Variants in DNAH2 observed in about 807,000 individuals in gnomAD.
DNAH2 encodes the protein axonemal beta dynein heavy chain 2.
Under a neutral mutation model 523.5 loss-of-function variants are expected in DNAH2, and 323 were observed. That is an observed-to-expected ratio of 0.62 (90% CI 0.56 to 0.68). The LOEUF (loss-of-function observed/expected upper bound fraction) is 0.68. Among genes scored for constraint, DNAH2 ranks in the 30% least tolerant of loss-of-function variants. DNAH2 has a pLI of 0.00. For synonymous variants in DNAH2, 2,093 were observed against 2,177.4 expected, an observed-to-expected ratio of 0.96 and a Z score of 1.08; for missense variants, 4,907 against 5,701.5, an observed-to-expected ratio of 0.86 and a Z score of 4.49.
chr17:7,742,387 C>A lies in DNAH2; in HGVS notation c.1690-541C>A, dbSNP rs538525638. On this transcript the variant is annotated intron_variant, in intron 11 of 85. Transcript: ENST00000572933. Reference sequence around the variant, plus strand: ...CAGAAGTTGCAGTGAGCCGAGATCGCGCCACTGTACTCCAGCCTGGGTGGT... The same window carrying A: ...CAGAAGTTGCAGTGAGCCGAGATCGAGCCACTGTACTCCAGCCTGGGTGGT... 2.6e-5 allele frequency among the ~76,000 whole-genome samples: 4 copies of A among 152,106 alleles called. No individual in the cohort carries two copies. The East Asian group carries it at 7.7e-4, about 29-fold the overall frequency.
intron 4 of DNAH2, among the ~76,000 whole-genome samples, chr17:7,730,473 A>ACTGAAT (rs2074951618): frequency 6.6e-6 from 1 of 152,218 alleles, no homozygotes; most frequent in East Asian, 1.9e-4. Flanking sequence ...TGCAGAAGGA[A>ACTGAAT]CTGAATCTGG....
chr17:7,748,896 C>G (rs1204939122), intron 12 of DNAH2, among the ~76,000 whole-genome samples: 1 of 151,740 alleles, frequency 6.6e-6, no homozygotes, highest in East Asian at 1.9e-4. Context: ...CAGTTAAAGA[C>G]TGAACATCAT....
rs1228538499 is a variant in DNAH2 at position 7,807,153 on chromosome 17, A to T, written c.9446A>T (p.Glu3149Val). Residue 3149 changes from glutamate to valine, a missense_variant, in exon 62 of 86, where the codon GAA becomes GTA. Physicochemically the swap from Glu to Val is moderately radical, Grantham distance 121. This residue lies in a region of DNAH2 where 1,851 missense variants were observed against 2,139.4 expected (regional missense o/e 0.87). Transcript: ENST00000572933. This position sits in a 1 kb window ranked among gnomAD's most constrained non-coding sequence, Gnocchi z 5.6. ...TWAEAKRQLG[E>V]QNFIKSLINF... is the part of the protein sequence containing the mutation. Reference sequence around the variant, plus strand: ...GCCCCTAATTTTCATCCCACAGGGGAACAGAACTTCATCAAGTCACTGATC... The same window carrying T: ...GCCCCTAATTTTCATCCCACAGGGGTACAGAACTTCATCAAGTCACTGATC... 3 of 1,605,482 alleles carry T rather than the reference A, an allele frequency of 1.9e-6. No individual in the cohort carries two copies. Among genetic ancestry groups the T allele is most frequent in the Non-Finnish European group, 2.5e-6 (3 of 1,179,852 alleles).
In DNAH2 at chr17:7,760,688, A is replaced by T; in HGVS notation, c.2786-52A>T. 2 of 1,565,704 alleles carry T rather than the reference A, an allele frequency of 1.3e-6. No individual in the cohort carries two copies. The highest frequency in any genetic ancestry group is 1.7e-6 in the Non-Finnish European group (2 of 1,152,192). On this transcript the variant is annotated intron_variant, in intron 17 of 85. Transcript: ENST00000572933. The surrounding 1 kb of genome is among the most constrained non-coding windows in gnomAD (Gnocchi z 4.0). The stretch of plus-strand genomic sequence containing the variant: ...GAGCAGTGGGCAGGGCTCAGGCAGA[A>T]GTTGGGTTGGGGTGGAAGTCAGTGA...
rs778207661 is a variant in DNAH2 at position 7,831,046 on chromosome 17, G to A, written c.12231-40G>A. 4 of 1,590,882 alleles carry A rather than the reference G, an allele frequency of 2.5e-6. No homozygotes were observed. Among genetic ancestry groups the A allele is most frequent in the Admixed American group, 3.3e-5 (2 of 59,868 alleles). ...GTCTTGGCCTGGCATTGAGGGCTGA[G>A]TCCCCACAATGTGGCAGTAATTATG... On this transcript the variant is annotated intron_variant, in intron 79 of 85. Coordinates refer to ENST00000572933, the MANE Select transcript of DNAH2 (RefSeq NM_020877.5). The surrounding 1 kb of genome is among the most constrained non-coding windows in gnomAD (Gnocchi z 4.2).
chr17:7,736,775 A>G (rs1217298667), intron 7 of DNAH2, among the ~76,000 whole-genome samples: 1 of 152,156 alleles, frequency 6.6e-6, no homozygotes, highest in Non-Finnish European at 1.5e-5. Context: ...CAAAGTCAGG[A>G]GTTCGAGACC....
At chr17:7,729,198 G>A (rs920937971) in intron 4 of DNAH2, among the ~76,000 whole-genome samples, 1 of 152,030 alleles carries the variant, frequency 6.6e-6, no homozygotes, top group Non-Finnish European at 1.5e-5. Context: ...CATATGCACT[G>A]AGTCAAAGAA....
intron 2 of DNAH2, among the ~76,000 whole-genome samples, chr17:7,723,075 T>C (rs553325368): frequency 1.4e-5 from 2 of 146,642 alleles, no homozygotes; most frequent in Non-Finnish European, 3.0e-5. Context: ...GTTCACGCCA[T>C]TCTCCTGCCT....
chr17:7,793,445 CTTTT>C (rs559024587), intron 48 of DNAH2, among the ~76,000 whole-genome samples: 11 of 101,162 alleles, frequency 1.1e-4, no homozygotes, highest in African/African-American at 3.5e-4. Flanking sequence ...TTCTTTCTTT[CTTTT>C]TCTTTCTTTC....
In DNAH2 at chr17:7,718,459, T is replaced by A. The variant is rs1544724; in HGVS notation, c.-355T>A. The A allele has an allele frequency of 2.0e-5, 3 of 151,940 alleles. No homozygotes were observed. The highest frequency in any genetic ancestry group is 1.9e-4 in the East Asian group (1 of 5,182). The allele number at this position is 151,940 out of a possible 1,614,324, so 9.4% of individuals were successfully genotyped here. A position where few individuals can be genotyped will look rare whatever the true frequency, so the allele number is the denominator to read the frequency against. On this transcript the variant is annotated 5_prime_UTR_variant, in exon 1 of 86. Transcript: ENST00000572933. ...CCACAGGTGCCGTTAGGCTGCAGCC[T>A]AATGAAAAGAGAGTGCCCAGCGCCT... is the stretch of plus-strand genomic sequence containing the variant.
rs1188396773 is a variant in DNAH2, at chr17:7,734,278, G to A, written c.724G>A (p.Val242Met). Residue 242 changes from valine (V) to methionine (M), a missense_variant, in exon 6 of 86, where the codon GTG becomes ATG. Val to Met is a conservative substitution (Grantham distance 21). Transcript: ENST00000572933. ...GATGGTGATAAAGGACAAAGAGCTGGTGCAACGGCTAGAGAGTGAGTGGCT... is the reference window on the plus strand; with the variant it reads ...GATGGTGATAAAGGACAAAGAGCTGATGCAACGGCTAGAGAGTGAGTGGCT... ...PEMVIKDKEL[V>M]QRLETSMIHW... 4 of 1,607,314 alleles carry A rather than the reference G, an allele frequency of 2.5e-6. No homozygotes were observed. In the Admixed American group the frequency reaches 6.8e-5, roughly 27 times the overall value.
Position 7,833,226 on chromosome 17 carries a change from G to T in DNAH2, c.13129+5G>T, listed in dbSNP as rs1567776365. On this transcript the variant is annotated splice_donor_5th_base_variant and intron_variant, in intron 85 of 85. Transcript: ENST00000572933. ...GCCGCAAGAAGAGCGCCAAGGGTGG[G>T]ACAGCTCCCCAGGCAGGACCTGCCT... is the stretch of plus-strand genomic sequence containing the variant. 2 of 1,606,786 alleles carry T rather than the reference G, an allele frequency of 1.2e-6. No homozygotes were observed. The highest frequency in any genetic ancestry group is 3.3e-5 in the Admixed American group (2 of 60,030).
intron 18 of DNAH2, among the ~76,000 whole-genome samples, chr17:7,762,837 G>A (rs547417521): frequency 6.6e-6 from 1 of 151,910 alleles, no homozygotes. Flanking sequence ...CACCTTGTGA[G>A]GCAGGCTCTG....
At position 7,770,742 on chromosome 17, in the gene DNAH2, T is replaced by G; in HGVS notation, c.4182-11T>G. 1 of 1,614,062 alleles carries G rather than the reference T, an allele frequency of 6.2e-7. No individual in the cohort carries two copies. The highest frequency in any genetic ancestry group is 1.3e-5 in the African/African-American group (1 of 74,998). ...GGGGATGAACTATGATTTTGACCCC[T>G]TGTGTCTCAGAGGTACAGAAGAAGT... On this transcript the variant is annotated splice_polypyrimidine_tract_variant and intron_variant, in intron 26 of 85. Transcript: ENST00000572933.
Position 7,719,887 on chromosome 17 carries a change from C to A in DNAH2, c.153C>A (p.Pro51=). 6.4e-7 allele frequency: 1 copy of A among 1,553,154 alleles called. No homozygotes were observed. The highest frequency in any genetic ancestry group is 8.7e-7 in the Non-Finnish European group (1 of 1,150,672). The change falls in exon 2 of 86, where the codon CCC becomes CCA. Residue 51 remains proline, a synonymous_variant. Coordinates refer to ENST00000572933, the MANE Select transcript of DNAH2 (RefSeq NM_020877.5). ...VSEPELQAEL[P]KEEPEPRLEG... ...AGCCAGAGCTGCAGGCTGAGCTCCCCAAGGAGGAGCCTGGTGGGTACTTGC... is the reference window on the plus strand; with the variant it reads ...AGCCAGAGCTGCAGGCTGAGCTCCCAAAGGAGGAGCCTGGTGGGTACTTGC...
chr17:7,817,462 G>A (rs377467603), intron 65 of DNAH2, 47 bp downstream of exon 65: 84 of 1,613,248 alleles, frequency 5.2e-5, no homozygotes, highest in Non-Finnish European at 6.4e-5. Flanking sequence ...GACCAGGGCT[G>A]GGGGCAGGAC....
chr17:7,740,288 A>C, intron 9 of DNAH2, 132 bp from the exon 10 acceptor site: 1 of 1,351,000 alleles, frequency 7.4e-7, no homozygotes, highest in Non-Finnish European at 1.0e-6. Context: ...GGATTCATGT[A>C]GGTAAAGTAC....
intron 72 of DNAH2, 99 bp downstream of exon 72, chr17:7,819,507 C>A: frequency 2.3e-6 from 3 of 1,302,448 alleles, no homozygotes; most frequent in Non-Finnish European, 3.3e-6. Flanking sequence ...CGGCTCTCAG[C>A]CTGCCGCTGT....
intron 56 of DNAH2, among the ~76,000 whole-genome samples, chr17:7,799,885 G>A (rs985203062): frequency 1.1e-4 from 16 of 152,146 alleles, no homozygotes; most frequent in Admixed American, 7.2e-4. Context: ...GTGCTCAGTC[G>A]TGTGAAGTAC....
Sources: allele counts gnomAD v4.1 joint callset (sites outside exome capture counted in the v4.1 genomes callset), GRCh38; gene constraint gnomAD v4.1.1; regional missense constraint gnomAD v4.1.1; non-coding constraint Gnocchi (gnomAD v3.1); transcripts MANE v1.5; gene names NCBI Gene and HGNC (gene_info 2026-07-23, HGNC 2026-07-21).